TMEM117: variants seen among roughly 807,000 people sequenced by gnomAD.
TMEM117 encodes the protein transmembrane protein 117.
A neutral mutation model predicts 52.4 loss-of-function variants in TMEM117; 27 were observed. That is an observed-to-expected ratio of 0.51 (90% CI 0.38 to 0.71). The LOEUF is 0.71. TMEM117 is among the 30% of genes least tolerant of loss of function. The pLI, the probability that TMEM117 is intolerant of heterozygous loss-of-function variation, is 0.00. For missense variants in TMEM117, 556 were observed against 630.5 expected (o/e 0.88, Z 1.26); for synonymous variants, 215 against 206.3 (o/e 1.04, Z -0.36).
chr12:44,083,349 T>C (rs1468657159), intron 3 of TMEM117, among the ~76,000 whole-genome samples: 2 of 151,610 alleles, frequency 1.3e-5, no homozygotes, highest in Non-Finnish European at 2.9e-5. Flanking sequence ...ATATTACCCT[T>C]GATCCATATC....
chr12:43,954,644 G>A (rs1945278473), intron 3 of TMEM117, among the ~76,000 whole-genome samples: 1 of 152,130 alleles, frequency 6.6e-6, no homozygotes, highest in African/African-American at 2.4e-5. Flanking sequence ...CTGAAATTGA[G>A]GGAGTAATAA....
At chr12:43,909,864 C>T (rs893150327) in intron 2 of TMEM117, among the ~76,000 whole-genome samples, 16 of 131,390 alleles carry the variant, frequency 1.2e-4, no homozygotes, top group African/African-American at 2.9e-4. Context: ...AGCTTACCAA[C>T]GAAAAAGAGT....
the TMEM117 span, among the ~76,000 whole-genome samples, chr12:43,796,100 T>G: frequency 1.1e-4 from 16 of 152,192 alleles, no homozygotes; most frequent in Non-Finnish European, 7.4e-5. Context: ...TTGAAAGCCC[T>G]CTACAAGAGA....
At chr12:44,089,801 G>A (rs1355716983) in intron 3 of TMEM117, among the ~76,000 whole-genome samples, 1 of 152,084 alleles carries the variant, frequency 6.6e-6, no homozygotes, top group Admixed American at 6.6e-5. Context: ...TTTAGCCTTG[G>A]TGGGCCATAG....
intron 3 of TMEM117, among the ~76,000 whole-genome samples, chr12:43,975,471 A>G (rs1945657212): frequency 6.6e-6 from 1 of 152,122 alleles, no homozygotes; most frequent in African/African-American, 2.4e-5. Flanking sequence ...TGCTCATGAC[A>G]GTTTAGGAGG....
chr12:44,286,393 G>A (rs1430598827), intron 5 of TMEM117, among the ~76,000 whole-genome samples: 6 of 151,646 alleles, frequency 4.0e-5, no homozygotes, highest in South Asian at 2.1e-4. Context: ...GAAAAAAATC[G>A]TCAAATTTTG....
rs148533402 is a variant in TMEM117, at chr12:43,928,400, C to T, written c.278-15810C>T. Among the ~76,000 whole-genome samples, 13 of 152,116 alleles carry T rather than the reference C, an allele frequency of 8.5e-5. No individual in the cohort carries two copies. In the East Asian group the frequency reaches 2.3e-3, roughly 27 times the overall value. On this transcript the variant is annotated intron_variant, in intron 2 of 7. Coordinates refer to ENST00000266534, the MANE Select transcript of TMEM117 (RefSeq NM_032256.3). ...CTGAGATCACCTCTGGAATTAGGTT[C>T]ATTCTCCTTGAAGTACTTTTAAATG...
intron 3 of TMEM117, among the ~76,000 whole-genome samples, chr12:44,014,630 C>T (rs1946346046): frequency 6.6e-6 from 1 of 152,098 alleles, no homozygotes; most frequent in Non-Finnish European, 1.5e-5. Context: ...TTACACTACC[C>T]AATTCCACAG....
chr12:44,136,257 A>T (rs891237527), intron 3 of TMEM117, among the ~76,000 whole-genome samples: 2 of 152,120 alleles, frequency 1.3e-5, no homozygotes, highest in Non-Finnish European at 2.9e-5. Context: ...CATTTTTCTA[A>T]TAACTTTAGT....
intron 7 of TMEM117, among the ~76,000 whole-genome samples, chr12:44,387,639 A>C (rs534311352): frequency 7.2e-5 from 11 of 152,272 alleles, no homozygotes; most frequent in African/African-American, 2.6e-4. Flanking sequence ...AGAGATGTTC[A>C]ATCATACATT....
intron 6 of TMEM117, among the ~76,000 whole-genome samples, chr12:44,300,207 C>A (rs1950822571): frequency 6.6e-6 from 1 of 152,196 alleles, no homozygotes; most frequent in African/African-American, 2.4e-5. Flanking sequence ...TTGTTACTTT[C>A]TTTCAGTATT....
At chr12:43,853,371 G>A (rs957543529) in intron 2 of TMEM117, among the ~76,000 whole-genome samples, 3 of 152,162 alleles carry the variant, frequency 2.0e-5, no homozygotes, top group African/African-American at 7.2e-5. Flanking sequence ...TGCTTCCCAG[G>A]TTCAAGCTCT....
chr12:44,353,246 T>G (rs1361915194), intron 6 of TMEM117, among the ~76,000 whole-genome samples: 2 of 151,972 alleles, frequency 1.3e-5, no homozygotes, highest in African/African-American at 2.4e-5. Flanking sequence ...TTCTGTAGGT[T>G]GCCTGTTCAC....
intron 5 of TMEM117, among the ~76,000 whole-genome samples, chr12:44,223,409 C>A (rs74084405): frequency 0.012 from 1,735 of 149,342 alleles, 39 homozygotes; most frequent in African/African-American, 0.04. Flanking sequence ...CTTACTCAAC[C>A]CCCCAGACCT....
chr12:44,105,084 C>T (rs1003068979), intron 3 of TMEM117, among the ~76,000 whole-genome samples: 1 of 151,882 alleles, frequency 6.6e-6, no homozygotes, highest in African/African-American at 2.4e-5. Context: ...CTCTCTTTCT[C>T]TTTCTGTTAG....
intron 3 of TMEM117, among the ~76,000 whole-genome samples, chr12:44,008,007 A>G (rs930470885): frequency 5.3e-5 from 8 of 152,166 alleles, no homozygotes; most frequent in African/African-American, 1.7e-4. Flanking sequence ...CTGATCAGCC[A>G]TAAATACAGG....
intron 4 of TMEM117, among the ~76,000 whole-genome samples, chr12:44,206,507 T>C (rs1227576044): frequency 6.6e-6 from 1 of 152,174 alleles, no homozygotes; most frequent in Non-Finnish European, 1.5e-5. Flanking sequence ...TAAAGACAAA[T>C]GCACATGGAT....
chr12:43,826,416 T>A, the TMEM117 span, among the ~76,000 whole-genome samples: 1 of 152,226 alleles, frequency 6.6e-6, no homozygotes, highest in African/African-American at 2.4e-5. Context: ...ATATTTCCAA[T>A]TGCCAGCTGG....
intron 3 of TMEM117, among the ~76,000 whole-genome samples, chr12:44,098,319 G>C (rs1411906080): frequency 6.6e-6 from 1 of 152,084 alleles, no homozygotes; most frequent in Non-Finnish European, 1.5e-5. Context: ...GAGGCTGCCA[G>C]TGATACTGTT....
Sources: gnomAD v4.1 joint callset for allele counts (sites outside exome capture counted in the v4.1 genomes callset) on GRCh38, gnomAD v4.1.1 for gene constraint, MANE v1.5 for transcripts, NCBI Gene and HGNC (gene_info 2026-07-23, HGNC 2026-07-21) for gene names.